Variants in TJP1 observed in about 807,000 individuals in gnomAD.
The protein encoded by TJP1 is tight junction protein 1.
A neutral mutation model predicts 194.2 loss-of-function variants in TJP1; 43 were observed. That is an observed-to-expected ratio of 0.22 (90% CI 0.17 to 0.29). The LOEUF is 0.29. Ranked by LOEUF, TJP1 falls within the 10% of genes least tolerant of loss-of-function variation. The pLI is 1.00. For missense variants in TJP1, 1,971 were observed against 2,185.7 expected (o/e 0.90, Z 1.96); for synonymous variants, 801 against 779.0 (o/e 1.03, Z -0.47).
At chr15:29,908,418 A>G (rs1224120518) in intron 2 of TJP1, among the ~76,000 whole-genome samples, 1 of 152,208 alleles carries the variant, frequency 6.6e-6, no homozygotes, top group Non-Finnish European at 1.5e-5. Context: ...TTTCCAACCT[A>G]GAATGCTATA....
chr15:29,960,479 A>C (rs2056113517), intron 1 of TJP1, among the ~76,000 whole-genome samples: 1 of 151,744 alleles, frequency 6.6e-6, no homozygotes. Flanking sequence ...CAAAAAATAC[A>C]AAAAAACTCG....
intron 2 of TJP1, among the ~76,000 whole-genome samples, chr15:29,793,980 G>C (rs2048253085): frequency 6.6e-6 from 1 of 152,168 alleles, no homozygotes; most frequent in Non-Finnish European, 1.5e-5. Context: ...TTTGGTACCA[G>C]GGAAATACTG....
chr15:29,699,378 T>G (rs560161708), downstream of TJP1: 6 of 152,298 alleles, frequency 3.9e-5, no homozygotes, highest in African/African-American at 1.4e-4. Flanking sequence ...ATTGTATGAT[T>G]CCATTTATAT....
At chr15:29,792,165 G>C (rs1199642962) in intron 2 of TJP1, among the ~76,000 whole-genome samples, 1 of 152,122 alleles carries the variant, frequency 6.6e-6, no homozygotes, top group Non-Finnish European at 1.5e-5. Flanking sequence ...CTGTTCTTTG[G>C]AGGTCACACT....
intron 2 of TJP1, among the ~76,000 whole-genome samples, chr15:29,884,531 C>T (rs1405666332): frequency 6.6e-6 from 1 of 152,130 alleles, no homozygotes; most frequent in Non-Finnish European, 1.5e-5. Flanking sequence ...AGAACTTCAT[C>T]CAATAGTAAA....
intron 2 of TJP1, among the ~76,000 whole-genome samples, chr15:29,931,403 A>T (rs2054708909): frequency 6.6e-6 from 1 of 152,204 alleles, no homozygotes. Context: ...CTATATAACA[A>T]ATCAAACTAG....
At chr15:29,857,300 T>G (rs1301118341) in intron 2 of TJP1, among the ~76,000 whole-genome samples, 1 of 152,084 alleles carries the variant, frequency 6.6e-6, no homozygotes, top group African/African-American at 2.4e-5. Context: ...ACTGTTTTTT[T>G]TTTTTAAGGA....
At position 29,833,881 on chromosome 15, in the gene TJP1, A is replaced by ATTTTTTT. The variant is rs10650949; in HGVS notation, c.307-33186_307-33180dup. 3.2e-4 allele frequency among the ~76,000 whole-genome samples: 4 copies of ATTTTTTT among 12,618 alleles called. 1 individual carries two copies. Among genetic ancestry groups the ATTTTTTT allele is most frequent in the African/African-American group, 6.0e-4 (2 of 3,340 alleles). The allele number at this position is 12,618 out of a possible 152,430, so 8.3% of individuals were successfully genotyped here. On this transcript the variant is annotated intron_variant, in intron 2 of 28. Coordinates refer to the TJP1 transcript ENST00000356107. ...AGTATATATATATATATATATATAT[A>ATTTTTTT]TTTTTTTTTTTTTTTTTTTTGAGAC...
At chr15:29,887,576 C>T (rs777869158) in intron 2 of TJP1, among the ~76,000 whole-genome samples, 1 of 152,040 alleles carries the variant, frequency 6.6e-6, no homozygotes, top group Admixed American at 6.6e-5. Flanking sequence ...GCTGGGATTA[C>T]AGGCATGAGC....
At chr15:29,747,740 T>A (rs1299418449) in intron 8 of TJP1, among the ~76,000 whole-genome samples, 5 of 152,208 alleles carry the variant, frequency 3.3e-5, no homozygotes, top group Admixed American at 6.5e-5. Context: ...TAACTTACAA[T>A]ATTTTAACTC....
At chr15:29,860,342 C>T (rs1000802704) in intron 2 of TJP1, among the ~76,000 whole-genome samples, 14 of 152,142 alleles carry the variant, frequency 9.2e-5, no homozygotes, top group African/African-American at 3.1e-4. Context: ...CTGTCCATTC[C>T]GTCTTCAAGT....
chr15:29,747,789 G>A (rs1205257345), intron 8 of TJP1, among the ~76,000 whole-genome samples: 1 of 152,120 alleles, frequency 6.6e-6, no homozygotes, highest in Non-Finnish European at 1.5e-5. Context: ...GTCGTCATTG[G>A]CTATACATGT....
intron 2 of TJP1, among the ~76,000 whole-genome samples, chr15:29,949,509 C>T (rs1431519206): frequency 2.2e-5 from 3 of 138,502 alleles, no homozygotes; most frequent in African/African-American, 8.2e-5. Flanking sequence ...ACAACCACCA[C>T]CTCCACCTCC....
At chr15:29,829,221 A>C (rs1284271332) in intron 2 of TJP1, among the ~76,000 whole-genome samples, 2 of 152,240 alleles carry the variant, frequency 1.3e-5, no homozygotes, top group Non-Finnish European at 2.9e-5. Flanking sequence ...GTTGAAAACT[A>C]AACGATTAAC....
chr15:29,746,156 A>T (rs2044757804), intron 8 of TJP1, among the ~76,000 whole-genome samples: 1 of 152,186 alleles, frequency 6.6e-6, no homozygotes, highest in Admixed American at 6.5e-5. Flanking sequence ...AGGCGGGCGG[A>T]TCACAAGGTC....
intron 2 of TJP1, among the ~76,000 whole-genome samples, chr15:29,949,304 A>ACCACCTCCACAACCACCACCT (rs2055437962): frequency 1.7e-5 from 2 of 115,910 alleles, no homozygotes; most frequent in South Asian, 3.2e-4. Flanking sequence ...CTCCACCACC[A>ACCACCTCCACAACCACCACCT]CCACCTCCAC....
intron 2 of TJP1, among the ~76,000 whole-genome samples, chr15:29,916,775 A>T (rs1301106600): frequency 1.3e-5 from 2 of 152,222 alleles, no homozygotes; most frequent in Non-Finnish European, 2.9e-5. Flanking sequence ...GTTCATCATA[A>T]ATTAGATTAA....
At chr15:29,720,900 C>A (rs2042889864) in intron 18 of TJP1, among the ~76,000 whole-genome samples, 192 bp from the exon 19 acceptor site, 2 of 152,160 alleles carry the variant, frequency 1.3e-5, no homozygotes, top group Admixed American at 1.3e-4. Context: ...CCCTTGAGAT[C>A]TGAAGGGCAT....
At chr15:29,893,262 C>T (rs570560480) in intron 2 of TJP1, among the ~76,000 whole-genome samples, 3 of 152,140 alleles carry the variant, frequency 2.0e-5, no homozygotes, top group South Asian at 2.1e-4. Context: ...AGCTGCTTCA[C>T]GTAGATGAGC....
Sources: allele counts gnomAD v4.1 joint callset (sites outside exome capture counted in the v4.1 genomes callset), GRCh38; gene constraint gnomAD v4.1.1; transcripts MANE v1.5; gene names NCBI Gene and HGNC (gene_info 2026-07-23, HGNC 2026-07-21).